Variants in CNTN5 observed in about 807,000 individuals in gnomAD.
CNTN5 encodes the protein contactin-5.
CNTN5 carries 77 observed loss-of-function variants against 129.1 expected under a neutral mutation model. The observed-to-expected ratio is 0.60, with a 90% CI of 0.50 to 0.72. The LOEUF is 0.72. Among genes scored for constraint, CNTN5 ranks in the 30% least tolerant of loss-of-function variants. The probability of loss-of-function intolerance (pLI) is 0.00; values close to 1 mark genes in which losing one functional copy is unlikely to be tolerated. For synonymous variants in CNTN5, 509 were observed against 465.6 expected, an observed-to-expected ratio of 1.09 and a Z score of -1.20; for missense variants, 1,478 against 1,328.8, an observed-to-expected ratio of 1.11 and a Z score of -1.75.
chr11:99,911,273 A>G (rs1290409187), intron 6 of CNTN5, among the ~76,000 whole-genome samples: 1 of 152,006 alleles, frequency 6.6e-6, no homozygotes, highest in Non-Finnish European at 1.5e-5. Context: ...TCCTTGGAGC[A>G]CTGATAGTCT....
chr11:99,097,227 T>A (rs968967370), intron 1 of CNTN5, among the ~76,000 whole-genome samples: 3 of 151,884 alleles, frequency 2.0e-5, no homozygotes, highest in African/African-American at 7.2e-5. Context: ...GTCCAACAAT[T>A]TTTTTAGTGT....
intron 18 of CNTN5, among the ~76,000 whole-genome samples, chr11:100,291,191 T>A (rs1217775130): frequency 6.6e-6 from 1 of 150,486 alleles, no homozygotes; most frequent in Non-Finnish European, 1.5e-5. Flanking sequence ...ATTGTGGAAG[T>A]CAGTGTGGCG....
intron 13 of CNTN5, among the ~76,000 whole-genome samples, chr11:100,140,773 A>G (rs1323802329): frequency 1.3e-5 from 2 of 152,166 alleles, no homozygotes; most frequent in African/African-American, 4.8e-5. Flanking sequence ...TAGGAGCTAA[A>G]ATTTTCAAGG....
chr11:99,134,832 C>A (rs1395255201), intron 1 of CNTN5, among the ~76,000 whole-genome samples: 2 of 152,154 alleles, frequency 1.3e-5, no homozygotes, highest in African/African-American at 4.8e-5. Context: ...TTTCTAATGA[C>A]ATGTGAATGA....
At chr11:99,379,250 T>A (rs114515906) in intron 2 of CNTN5, among the ~76,000 whole-genome samples, 2,019 of 150,576 alleles carry the variant, frequency 0.013, 47 homozygotes, top group African/African-American at 0.046. Context: ...TATGAAAATA[T>A]TAATTATATT....
intron 3 of CNTN5, among the ~76,000 whole-genome samples, chr11:99,785,042 G>GCCTGCCTCCC (rs1555110671): frequency 1.4e-5 from 2 of 146,904 alleles, no homozygotes; most frequent in Admixed American, 6.7e-5. Flanking sequence ...CTCGTGATCC[G>GCCTGCCTCCC]CCTGCCTCCG....
intron 3 of CNTN5, among the ~76,000 whole-genome samples, chr11:99,792,124 T>C (rs1945766152): frequency 6.6e-6 from 1 of 152,146 alleles, no homozygotes; most frequent in Admixed American, 6.6e-5. Context: ...GGCCAGGATC[T>C]CCAATACTAT....
At chr11:99,567,087 T>C (rs1429694778) in intron 3 of CNTN5, among the ~76,000 whole-genome samples, 2 of 152,160 alleles carry the variant, frequency 1.3e-5, no homozygotes, top group Non-Finnish European at 2.9e-5. Context: ...CTTGGGTAAG[T>C]AAAGTATTTT....
At chr11:99,651,299 G>T (rs762308223) in intron 3 of CNTN5, among the ~76,000 whole-genome samples, 1 of 151,832 alleles carries the variant, frequency 6.6e-6, no homozygotes. Context: ...AATGTTTATT[G>T]CATGTGGCAA....
At chr11:100,026,093 T>A (rs1161129280) in intron 9 of CNTN5, among the ~76,000 whole-genome samples, 2 of 152,088 alleles carry the variant, frequency 1.3e-5, no homozygotes, top group African/African-American at 4.8e-5. Context: ...ATCCCCTTAA[T>A]CCCCATGTGT....
intron 6 of CNTN5, among the ~76,000 whole-genome samples, chr11:99,850,387 G>A (rs1213164026): frequency 6.6e-6 from 1 of 152,102 alleles, no homozygotes; most frequent in Non-Finnish European, 1.5e-5. Flanking sequence ...ATGATGACAA[G>A]GAACTGAGTA....
At chr11:99,965,007 T>A (rs1384443861) in intron 8 of CNTN5, among the ~76,000 whole-genome samples, 1 of 152,190 alleles carries the variant, frequency 6.6e-6, no homozygotes, top group African/African-American at 2.4e-5. Flanking sequence ...GGTGGTGATA[T>A]CCCCTTTATC....
At chr11:100,066,833 CAAAAA>C (rs34290071) in intron 10 of CNTN5, among the ~76,000 whole-genome samples, 3 of 124,960 alleles carry the variant, frequency 2.4e-5, no homozygotes, top group Non-Finnish European at 1.7e-5. Flanking sequence ...AGTCCTCTGC[CAAAAA>C]AAAAAAAAAA....
intron 1 of CNTN5, among the ~76,000 whole-genome samples, chr11:99,205,176 C>CA (rs1555077314): frequency 0.23 from 24,369 of 106,940 alleles, 2,338 homozygotes; most frequent in East Asian, 0.4. Flanking sequence ...AACAAACAAA[C>CA]AAAAAAAACT....
At chr11:99,589,461 G>A (rs1330391631) in intron 3 of CNTN5, among the ~76,000 whole-genome samples, 1 of 152,162 alleles carries the variant, frequency 6.6e-6, no homozygotes, top group African/African-American at 2.4e-5. Flanking sequence ...AGGATCTGAA[G>A]TAAAGCACAT....
Position 99,819,432 on chromosome 11 carries a change from T to C in CNTN5, c.56-112T>C, listed in dbSNP as rs191455203. ...CACTCTCACTGTAATCTGAATTTGC[T>C]TGCAGCTCCAAAGAAGGTTTTTAGT... On this transcript the variant is annotated intron_variant, in intron 3 of 24. Coordinates refer to ENST00000524871, the MANE Select transcript of CNTN5 (RefSeq NM_014361.4). 2.6e-4 allele frequency: 217 copies of C among 834,454 alleles called. No homozygotes were observed. The African/African-American group carries it at 3.2e-3, about 12-fold the overall frequency. 51.7% of individuals were successfully genotyped at this position (834,454 alleles called of 1,614,324 possible).
chr11:99,242,025 A>G (rs1169064292), intron 1 of CNTN5, among the ~76,000 whole-genome samples: 5 of 152,318 alleles, frequency 3.3e-5, no homozygotes, highest in South Asian at 2.1e-4. Context: ...ACTATAGTAA[A>G]CCACAAAAAA....
chr11:99,825,395 T>C (rs893276330), intron 4 of CNTN5, among the ~76,000 whole-genome samples: 12 of 152,064 alleles, frequency 7.9e-5, no homozygotes, highest in Non-Finnish European at 1.8e-4. Flanking sequence ...TTGATAATTT[T>C]GTTGTTTCAA....
chr11:100,163,402 T>G (rs1287029805), intron 13 of CNTN5, among the ~76,000 whole-genome samples: 1 of 151,830 alleles, frequency 6.6e-6, no homozygotes, highest in African/African-American at 2.4e-5. Flanking sequence ...AATGAATGTT[T>G]TGTATATCAG....
Sources: allele counts gnomAD v4.1 joint callset (sites outside exome capture counted in the v4.1 genomes callset), GRCh38; gene constraint gnomAD v4.1.1; transcripts MANE v1.5; gene names NCBI Gene and HGNC (gene_info 2026-07-23, HGNC 2026-07-21).